Variants in ADD3 observed in about 807,000 individuals in gnomAD.
The protein encoded by ADD3 is adducin 3.
A neutral mutation model predicts 80.2 loss-of-function variants in ADD3; 25 were observed. The observed-to-expected ratio is 0.31, with a 90% CI of 0.23 to 0.44. The LOEUF is 0.44. Among genes scored for constraint, ADD3 ranks in the 20% least tolerant of loss-of-function variants. The probability of loss-of-function intolerance (pLI) is 1.00; values close to 1 mark genes in which losing one functional copy is unlikely to be tolerated. For synonymous variants in ADD3, 284 were observed against 289.6 expected (o/e 0.98, Z 0.20); for missense variants, 829 against 847.5 (o/e 0.98, Z 0.27).
chr10:110,084,387 A>G (rs1228783789), intron 1 of ADD3, among the ~76,000 whole-genome samples: 1 of 152,238 alleles, frequency 6.6e-6, no homozygotes, highest in Non-Finnish European at 1.5e-5. Flanking sequence ...TTAACAGTTT[A>G]TTTAATGTAC....
chr10:109,997,578 A>G (rs928527693), intron 1 of ADD3: 5 of 152,244 alleles, frequency 3.3e-5, no homozygotes, highest in Admixed American at 6.5e-5. Flanking sequence ...ATGACAGTCT[A>G]TAAGTCAAAC....
chr10:110,082,524 G>A (rs898278552), intron 1 of ADD3, among the ~76,000 whole-genome samples: 7 of 151,988 alleles, frequency 4.6e-5, no homozygotes, highest in South Asian at 4.1e-4. Context: ...TAGCTTATTC[G>A]GTTTACTTCT....
chr10:110,019,143 C>T lies in ADD3; in HGVS notation c.-30+10844C>T, dbSNP rs111657799. Among the ~76,000 whole-genome samples, 550 of 152,144 alleles carry T rather than the reference C, an allele frequency of 3.6e-3. 4 individuals are homozygous for T. Among genetic ancestry groups the T allele is most frequent in the African/African-American group, 0.013 (529 of 41,502 alleles). On this transcript the variant is annotated intron_variant, in intron 1 of 14. Transcript: ENST00000356080. ...AATGTCTGTTATATAACTTTTAAAT[C>T]TAATATGTGGATGATGGATGGATGG...
At chr10:110,044,239 A>G (rs1163237521) in intron 1 of ADD3, among the ~76,000 whole-genome samples, 1 of 152,164 alleles carries the variant, frequency 6.6e-6, no homozygotes, top group Non-Finnish European at 1.5e-5. Context: ...ACATCTAGAA[A>G]AAGGAAACTT....
At position 110,122,130 on chromosome 10, in the gene ADD3, A is replaced by T; in HGVS notation, c.981A>T (p.Ala327=). The change falls in exon 9 of 15, where the codon GCA becomes GCT. Residue 327 remains alanine (A), a synonymous_variant. Transcript: ENST00000356080. ...CEIQVQALAG[A]GGVDNLHVLD... ...TACAGGTGCAGGCCCTAGCAGGTGC[A>T]GGTGGAGTAGACAATCTCCATGTAC... The T allele has an allele frequency of 6.2e-7, 1 of 1,613,808 alleles. No individual in the cohort carries two copies. The highest frequency in any genetic ancestry group is 8.5e-7 in the Non-Finnish European group (1 of 1,179,786).
chr10:110,064,178 A>G (rs552395915), intron 1 of ADD3, among the ~76,000 whole-genome samples: 1 of 152,160 alleles, frequency 6.6e-6, no homozygotes, highest in Non-Finnish European at 1.5e-5. Context: ...GTTTGCATCT[A>G]TTAAAAATAA....
chr10:110,021,589 A>G (rs1320473010), intron 1 of ADD3, among the ~76,000 whole-genome samples: 1 of 152,208 alleles, frequency 6.6e-6, no homozygotes, highest in Non-Finnish European at 1.5e-5. Context: ...AAAACATGCT[A>G]AGTAAAAAAG....
intron 1 of ADD3, among the ~76,000 whole-genome samples, chr10:110,068,922 GA>G (rs1844328009): frequency 2.0e-5 from 3 of 152,036 alleles, no homozygotes; most frequent in South Asian, 4.2e-4. Flanking sequence ...GCAAAAAATA[GA>G]AAAATTAGCT....
chr10:110,003,557 C>T (rs1851530578), upstream of ADD3, among the ~76,000 whole-genome samples: 1 of 152,070 alleles, frequency 6.6e-6, no homozygotes, highest in Admixed American at 6.6e-5. Flanking sequence ...AGGTACAGCA[C>T]GTATTATAAT....
At chr10:110,123,966 C>T (rs1851829210) in intron 9 of ADD3, 51 bp from the exon 10 acceptor site, 2 of 1,554,920 alleles carry the variant, frequency 1.3e-6, no homozygotes, top group East Asian at 4.5e-5. Context: ...GATCCAAATG[C>T]TGTTATTGAT....
intron 1 of ADD3, among the ~76,000 whole-genome samples, chr10:110,054,486 G>T (rs1488883597): frequency 6.8e-6 from 1 of 147,886 alleles, no homozygotes; most frequent in Non-Finnish European, 1.5e-5. Context: ...ATGTTGCCCA[G>T]GCTGGAGTGC....
At chr10:110,120,802 A>G (rs1358861877) in intron 8 of ADD3, among the ~76,000 whole-genome samples, 4 of 152,146 alleles carry the variant, frequency 2.6e-5, no homozygotes, top group Non-Finnish European at 5.9e-5. Context: ...CAAAACAGAG[A>G]TATAGATAAA....
chr10:110,056,198 A>T (rs769404738), intron 1 of ADD3, among the ~76,000 whole-genome samples: 8 of 152,226 alleles, frequency 5.3e-5, no homozygotes, highest in Non-Finnish European at 1.0e-4. Flanking sequence ...TCAAACTAAC[A>T]TAATTCACAA....
At chr10:110,124,996 TC>T (rs1169087125) in intron 10 of ADD3, among the ~76,000 whole-genome samples, 1 of 152,132 alleles carries the variant, frequency 6.6e-6, no homozygotes, top group Admixed American at 6.5e-5. Context: ...AGACAGTTCT[TC>T]CAATGTGGCC....
chr10:110,048,389 C>G (rs1463146065), intron 1 of ADD3, among the ~76,000 whole-genome samples: 1 of 152,122 alleles, frequency 6.6e-6, no homozygotes, highest in Non-Finnish European at 1.5e-5. Flanking sequence ...TGTGGAAGCT[C>G]CTTTGGAACT....
chr10:110,029,629 C>T (rs1180899302), intron 1 of ADD3, among the ~76,000 whole-genome samples: 1 of 152,198 alleles, frequency 6.6e-6, no homozygotes, highest in African/African-American at 2.4e-5. Flanking sequence ...GTGTAGGCCT[C>T]ATCTGTGGTA....
intron 1 of ADD3, among the ~76,000 whole-genome samples, chr10:110,018,814 A>T (rs1385337780): frequency 1.3e-5 from 2 of 152,216 alleles, no homozygotes; most frequent in African/African-American, 4.8e-5. Flanking sequence ...TAGGAAATAC[A>T]TTAGAATATG....
At chr10:110,130,563 G>GCAGT (rs1376826290) in intron 13 of ADD3, 77 bp downstream of exon 13, 1 of 1,516,300 alleles carries the variant, frequency 6.6e-7, no homozygotes, top group African/African-American at 1.4e-5. Flanking sequence ...ATGATAGAAA[G>GCAGT]CAGTCAGTGT....
rs149790580 is a variant in ADD3 at position 110,043,287 on chromosome 10, A to G, written c.-30+34988A>G. On this transcript the variant is annotated intron_variant, in intron 1 of 14. Coordinates refer to ENST00000356080, the MANE Select transcript of ADD3 (RefSeq NM_016824.5). ...TTCTTTAGAGAAATCTATAACTTAA[A>G]TAAAGAAATTGACCTCCTCCCAGGT... Among the ~76,000 whole-genome samples, 208 of 152,350 alleles carry G rather than the reference A, an allele frequency of 1.4e-3. 2 individuals carry two copies. Among genetic ancestry groups the G allele is most frequent in the African/African-American group, 4.7e-3 (197 of 41,584 alleles).
Sources: allele counts gnomAD v4.1 joint callset (sites outside exome capture counted in the v4.1 genomes callset), GRCh38; gene constraint gnomAD v4.1.1; transcripts MANE v1.5; gene names NCBI Gene and HGNC (gene_info 2026-07-23, HGNC 2026-07-21).